Variants in SVOPL observed in about 807,000 individuals in gnomAD.
SVOPL encodes SVOP like, also known as putative transporter SVOPL.
Under a neutral mutation model 61.0 loss-of-function variants are expected in SVOPL, and 60 were observed. That is an observed-to-expected ratio of 0.98 (90% CI 0.80 to 1.22). The LOEUF is 1.22. Among genes scored for constraint, SVOPL ranks in the 50% most tolerant of loss-of-function variants. The probability of loss-of-function intolerance (pLI) is 0.00; values close to 1 mark genes in which losing one functional copy is unlikely to be tolerated. For missense variants in SVOPL, 662 were observed against 643.9 expected, an observed-to-expected ratio of 1.03 and a Z score of -0.30; for synonymous variants, 279 against 250.0, an observed-to-expected ratio of 1.12 and a Z score of -1.09.
At chr7:138,613,045 A>T (rs1252378640) in intron 14 of SVOPL, among the ~76,000 whole-genome samples, 2 of 151,700 alleles carry the variant, frequency 1.3e-5, no homozygotes, top group South Asian at 4.2e-4. Context: ...TTTGAGACAG[A>T]GTCTCACTCT....
chr7:138,635,156 C>T (rs1800407724), intron 9 of SVOPL, among the ~76,000 whole-genome samples: 1 of 151,846 alleles, frequency 6.6e-6, no homozygotes, highest in African/African-American at 2.4e-5. Flanking sequence ...CCTATAATCC[C>T]AGCTACTTGG....
chr7:138,597,143 A>C, intron 14 of SVOPL: 1 of 1,285,984 alleles, frequency 7.8e-7, no homozygotes. Flanking sequence ...GGTAATTCAG[A>C]TACTCCATCT....
intron 4 of SVOPL, among the ~76,000 whole-genome samples, chr7:138,669,282 A>AC (rs1301475944): frequency 1.3e-5 from 2 of 152,052 alleles, no homozygotes; most frequent in Non-Finnish European, 2.9e-5. Context: ...AGGTGTGGTG[A>AC]CCCACATCCT....
Position 138,633,123 on chromosome 7 carries a change from C to T in SVOPL, c.790-3001G>A, listed in dbSNP as rs548979043. On this transcript the variant is annotated intron_variant, in intron 9 of 15. Coordinates refer to ENST00000674285, the MANE Select transcript of SVOPL (RefSeq NM_001139456.2). ...CAGTAGGAAGGAAGAAGTGAGCTGACGCTGTTATAGTAGCTTTCTGAACTC... is the reference window on the plus strand; with the variant it reads ...CAGTAGGAAGGAAGAAGTGAGCTGATGCTGTTATAGTAGCTTTCTGAACTC... Among the ~76,000 whole-genome samples, 13 of 152,252 alleles carry T rather than the reference C, an allele frequency of 8.5e-5. No homozygotes were observed. The South Asian group carries it at 2.3e-3, about 27-fold the overall frequency.
chr7:138,662,574 T>A (rs1244376221), intron 5 of SVOPL: 2 of 986,312 alleles, frequency 2.0e-6, no homozygotes, highest in Non-Finnish European at 2.4e-6. Context: ...CCAATAGGGC[T>A]GCTCTGAAGG....
chr7:138,641,241 A>C (rs992844040), intron 9 of SVOPL, among the ~76,000 whole-genome samples: 11 of 151,342 alleles, frequency 7.3e-5, no homozygotes, highest in South Asian at 2.1e-4. Flanking sequence ...AAAAAAAAAA[A>C]AAAACTTAAA....
intron 14 of SVOPL, among the ~76,000 whole-genome samples, chr7:138,614,392 CTTTTTTTTT>C (rs528123598): frequency 7.3e-6 from 1 of 137,914 alleles, no homozygotes; most frequent in Non-Finnish European, 1.6e-5. Flanking sequence ...AGCATTTCAA[CTTTTTTTTT>C]TTTTTTTTTT....
chr7:138,652,633 G>A (rs111296479), intron 7 of SVOPL, among the ~76,000 whole-genome samples: 6 of 151,150 alleles, frequency 4.0e-5, no homozygotes, highest in African/African-American at 1.5e-4. Flanking sequence ...TTTTTCTTTT[G>A]AGATGGCATT....
chr7:138,655,423 T>C (rs1265536548), intron 7 of SVOPL, among the ~76,000 whole-genome samples: 4 of 152,186 alleles, frequency 2.6e-5, no homozygotes, highest in African/African-American at 9.6e-5. Flanking sequence ...GAGAATCACT[T>C]GAACCCAGGA....
chr7:138,607,018 GTTTTT>G (rs1798788778), intron 14 of SVOPL, among the ~76,000 whole-genome samples: 1 of 132,242 alleles, frequency 7.6e-6, no homozygotes, highest in Admixed American at 8.3e-5. Context: ...CTGCTTAACT[GTTTTT>G]TGTTTTTTTT....
chr7:138,638,969 C>G (rs554241918), intron 9 of SVOPL, among the ~76,000 whole-genome samples: 11 of 152,250 alleles, frequency 7.2e-5, no homozygotes, highest in Admixed American at 5.2e-4. Context: ...AAATAAATAA[C>G]AGGCCAGGCA....
intron 14 of SVOPL, among the ~76,000 whole-genome samples, chr7:138,616,079 G>A (rs1449449819): frequency 6.6e-6 from 1 of 152,216 alleles, no homozygotes; most frequent in Non-Finnish European, 1.5e-5. Flanking sequence ...TCCAAGCCGA[G>A]AAGAGAGCCC....
intron 14 of SVOPL, among the ~76,000 whole-genome samples, chr7:138,612,585 A>G (rs1243381281): frequency 6.8e-6 from 1 of 146,222 alleles, no homozygotes; most frequent in Non-Finnish European, 1.5e-5. Context: ...GTGTGATCTT[A>G]GCTCACTGCA....
At chr7:138,679,880 A>G (rs1444062056) in intron 1 of SVOPL, among the ~76,000 whole-genome samples, 1 of 152,206 alleles carries the variant, frequency 6.6e-6, no homozygotes, top group African/African-American at 2.4e-5. Flanking sequence ...AGATCTGTGA[A>G]ATATCATAAT....
chr7:138,634,851 G>C (rs1800390039), intron 9 of SVOPL, among the ~76,000 whole-genome samples: 1 of 151,180 alleles, frequency 6.6e-6, no homozygotes, highest in Non-Finnish European at 1.5e-5. Flanking sequence ...TGTAGTTCTA[G>C]CTACTCAGGA....
chr7:138,663,658 C>G, intron 4 of SVOPL: 1 of 938,856 alleles, frequency 1.1e-6, no homozygotes, highest in Non-Finnish European at 1.3e-6. Flanking sequence ...AATGGCCTGT[C>G]CTCCCCTGAT....
chr7:138,616,575 A>G lies in SVOPL; in HGVS notation c.1353+4471T>C, dbSNP rs537802077. 4.6e-5 allele frequency among the ~76,000 whole-genome samples: 7 copies of G among 152,242 alleles called. No homozygotes were observed. The East Asian group carries it at 1.4e-3, about 29-fold the overall frequency. On this transcript the variant is annotated intron_variant, in intron 14 of 15. Coordinates refer to ENST00000674285, the MANE Select transcript of SVOPL (RefSeq NM_001139456.2). ...GGTCTCGAGCTCCTGACCTCAGGTA[A>G]TCCACCGGCCTCAGCCGCCCAAAGT...
At chr7:138,685,037 A>G (rs1228833820) in intron 1 of SVOPL, among the ~76,000 whole-genome samples, 1 of 151,176 alleles carries the variant, frequency 6.6e-6, no homozygotes, top group Non-Finnish European at 1.5e-5. Flanking sequence ...GGTTCAAGCG[A>G]TTCTCCTGCC....
intron 4 of SVOPL, among the ~76,000 whole-genome samples, chr7:138,669,414 A>C (rs767829699): frequency 5.8e-4 from 88 of 152,246 alleles, no homozygotes; most frequent in Non-Finnish European, 1.1e-3. Flanking sequence ...TTTCAACAAA[A>C]CAACAACAAT....
Sources: gnomAD v4.1 joint callset for allele counts (sites outside exome capture counted in the v4.1 genomes callset) on GRCh38, gnomAD v4.1.1 for gene constraint, MANE v1.5 for transcripts, NCBI Gene and HGNC (gene_info 2026-07-23, HGNC 2026-07-21) for gene names.